PHLDB2: variants seen among roughly 807,000 people sequenced by gnomAD.
The protein encoded by PHLDB2 is pleckstrin homology-like domain family B member 2.
In PHLDB2, 71 loss-of-function variants were observed where a neutral mutation model predicts 123.6. The observed-to-expected ratio is 0.57, with a 90% confidence interval of 0.47 to 0.70. The LOEUF (loss-of-function observed/expected upper bound fraction) is 0.70. Among genes scored for constraint, PHLDB2 ranks in the 30% least tolerant of loss-of-function variants. The pLI is 0.00. For missense variants in PHLDB2, 1,446 were observed against 1,519.5 expected (o/e 0.95, Z 0.80); for synonymous variants, 547 against 541.6 (o/e 1.01, Z -0.14).
rs1260405459 is a variant in PHLDB2, at chr3:111,969,861, C to G, written c.3487C>G (p.Arg1163Gly). Residue 1163 changes from arginine (R) to glycine (G), a missense_variant, in exon 16 of 18, where the codon CGT becomes GGT. By Grantham distance (125) the Arg-to-Gly change is moderately radical. Transcript: ENST00000431670. ...TGGGAAAATTAAAACGTGGAAAAAA[C>G]GTTGGTTTGTTTTTGATCGGAACAA... ...MGGKIKTWKK[R>G]WFVFDRNKRT... The G allele has an allele frequency of 6.2e-7, 1 of 1,613,866 alleles. No individual in the cohort carries two copies. Among genetic ancestry groups the G allele is most frequent in the African/African-American group, 1.3e-5 (1 of 74,898 alleles).
intron 1 of PHLDB2, among the ~76,000 whole-genome samples, chr3:111,752,006 AT>A (rs2059785884): frequency 6.6e-6 from 1 of 152,214 alleles, no homozygotes; most frequent in South Asian, 2.1e-4. Context: ...TCACAAAATG[AT>A]TTTAAACTGG....
At chr3:111,962,762 T>C (rs940205445) in intron 13 of PHLDB2, among the ~76,000 whole-genome samples, 1 of 151,574 alleles carries the variant, frequency 6.6e-6, no homozygotes, top group Admixed American at 6.6e-5. Context: ...AAACCCTGTC[T>C]CTACTAAATA....
rs546163158 is a variant in PHLDB2, at chr3:111,871,141, C to G, written c.-15+11565C>G. 2.6e-5 allele frequency among the ~76,000 whole-genome samples: 4 copies of G among 152,192 alleles called. No individual in the cohort carries two copies. In the South Asian group the frequency reaches 6.2e-4, roughly 24 times the overall value. On this transcript the variant is annotated intron_variant, in intron 1 of 17. Coordinates refer to ENST00000431670, the MANE Select transcript of PHLDB2 (RefSeq NM_001134438.2). ...CAGTCAGTCCCTCTTCGATTAATTC[C>G]TACTATATTGATTGGATGATCCTAA... is the stretch of plus-strand genomic sequence containing the variant.
chr3:111,774,226 A>G (rs1010972998), intron 1 of PHLDB2, among the ~76,000 whole-genome samples: 2 of 152,180 alleles, frequency 1.3e-5, no homozygotes, highest in East Asian at 1.9e-4. Flanking sequence ...GGTCTCACTC[A>G]AGTAAGGCTG....
At chr3:111,785,840 G>A (rs988966081) in intron 1 of PHLDB2, among the ~76,000 whole-genome samples, 2 of 152,078 alleles carry the variant, frequency 1.3e-5, no homozygotes, top group African/African-American at 4.8e-5. Flanking sequence ...GGTGGTTCAG[G>A]AAACCATATC....
In PHLDB2 at chr3:111,768,849, G is replaced by C. The variant is rs144142161; in HGVS notation, c.-49+36146G>C. On this transcript the variant is annotated intron_variant, in intron 1 of 17. Coordinates refer to the PHLDB2 transcript ENST00000393923. ...CAGAGGTCCTTGGAGACAATGCTTG[G>C]ATTCATGTCTGGAATGCTTCAGCAT... 2.6e-5 allele frequency among the ~76,000 whole-genome samples: 4 copies of C among 152,250 alleles called. No individual in the cohort carries two copies. In the East Asian group the frequency reaches 5.8e-4, roughly 22 times the overall value.
At chr3:111,763,704 C>T (rs1396357697) in intron 1 of PHLDB2, among the ~76,000 whole-genome samples, 3 of 152,054 alleles carry the variant, frequency 2.0e-5, no homozygotes, top group East Asian at 1.9e-4. Flanking sequence ...GATTCGATCA[C>T]GAGGACAAAG....
intron 2 of PHLDB2, among the ~76,000 whole-genome samples, chr3:111,891,043 A>G (rs2066455383): frequency 1.3e-5 from 2 of 152,162 alleles, no homozygotes; most frequent in East Asian, 1.9e-4. Context: ...TCTTTAGTTC[A>G]TAGACCTTGT....
At chr3:111,967,891 G>A (rs799570) in intron 15 of PHLDB2, 67 bp downstream of exon 15, 1,057,459 of 1,434,592 alleles carry the variant, frequency 0.74, 391,003 homozygotes, top group East Asian at 1. Flanking sequence ...GAAGACAGCT[G>A]TTCTGTGTCT....
Position 111,885,156 on chromosome 3 carries a change from T to TG in PHLDB2, c.1083dup (p.Thr362AspfsTer30). ...GATGACTTTGATCAGGCTTCATATG[T>TG]GGGGACAAACCCGAGTCATTCACTT... On this transcript the variant is annotated frameshift_variant, in exon 2 of 18. Transcript: ENST00000431670. LOFTEE classifies it high-confidence loss of function. 6.2e-7 allele frequency: 1 copy of TG among 1,614,116 alleles called. No individual in the cohort carries two copies. The highest frequency in any genetic ancestry group is 8.5e-7 in the Non-Finnish European group (1 of 1,180,020).
At chr3:111,931,932 G>T (rs1422895295) in intron 5 of PHLDB2, among the ~76,000 whole-genome samples, 1 of 152,092 alleles carries the variant, frequency 6.6e-6, no homozygotes, top group African/African-American at 2.4e-5. Flanking sequence ...TATGAATTTG[G>T]TTGGCATTTC....
At chr3:111,890,081 A>G (rs2066390872) in intron 2 of PHLDB2, among the ~76,000 whole-genome samples, 1 of 152,210 alleles carries the variant, frequency 6.6e-6, no homozygotes, top group South Asian at 2.1e-4. Context: ...AGAAAAACAA[A>G]TTATAAACAA....
At chr3:111,822,624 A>T (rs1040426029) in intron 1 of PHLDB2, among the ~76,000 whole-genome samples, 1 of 152,148 alleles carries the variant, frequency 6.6e-6, no homozygotes, top group Non-Finnish European at 1.5e-5. Context: ...TCAAAATCAG[A>T]TACAGCACCT....
chr3:111,763,334 C>T (rs2060026699), intron 1 of PHLDB2, among the ~76,000 whole-genome samples: 1 of 152,090 alleles, frequency 6.6e-6, no homozygotes, highest in Admixed American at 6.6e-5. Context: ...GCTTTGGAGC[C>T]CAACTGTTTG....
Position 111,919,146 on chromosome 3 carries a change from G to A in PHLDB2, c.1794G>A (p.Leu598=), listed in dbSNP as rs576244059. 1 of 1,614,056 alleles carries A rather than the reference G, an allele frequency of 6.2e-7. No individual in the cohort carries two copies. The highest frequency in any genetic ancestry group is 1.1e-5 in the South Asian group (1 of 91,088). The change falls in exon 4 of 18, where the codon CTG becomes CTA. Residue 598 remains leucine, a synonymous_variant. Coordinates refer to ENST00000431670, the MANE Select transcript of PHLDB2 (RefSeq NM_001134438.2). ...AAMEETRIVI[L]NNLEELKQKI... The stretch of plus-strand genomic sequence containing the variant: ...TGGAAGAAACCCGGATAGTCATTCT[G>A]AACAACCTCGAGGAACTTAAGCAAA...
intron 1 of PHLDB2, among the ~76,000 whole-genome samples, chr3:111,814,147 G>T (rs2061966766): frequency 6.6e-6 from 1 of 152,160 alleles, no homozygotes; most frequent in African/African-American, 2.4e-5. Context: ...TGGATTGAAG[G>T]ATACAAAGTA....
At chr3:111,765,250 C>A (rs760366096) in intron 1 of PHLDB2, among the ~76,000 whole-genome samples, 4 of 152,164 alleles carry the variant, frequency 2.6e-5, no homozygotes, top group Non-Finnish European at 4.4e-5. Context: ...GTTGTGATAT[C>A]AGCACTGAAG....
chr3:111,761,187 AAAAAAAAAAAAG>A (rs1213361651), intron 1 of PHLDB2, among the ~76,000 whole-genome samples: 1 of 150,482 alleles, frequency 6.6e-6, no homozygotes, highest in Non-Finnish European at 1.5e-5. Flanking sequence ...CCATCTCAAA[AAAAAAAAAAAAG>A]AAAAAAAAAA....
At chr3:111,885,876 G>A (rs750636529) in intron 2 of PHLDB2, 13 of 469,820 alleles carry the variant, frequency 2.8e-5, no homozygotes, top group Admixed American at 1.9e-4. Context: ...TAGAAAGTTG[G>A]AGTTGCCTCA....
Sources: allele counts gnomAD v4.1 joint callset (sites outside exome capture counted in the v4.1 genomes callset), GRCh38; gene constraint gnomAD v4.1.1; transcripts MANE v1.5; gene names NCBI Gene and HGNC (gene_info 2026-07-23, HGNC 2026-07-21).